CSMD3: variants seen among roughly 807,000 people sequenced by gnomAD.
The protein encoded by CSMD3 is CUB and Sushi multiple domains 3.
In CSMD3, 177 loss-of-function variants were observed where a neutral mutation model predicts 435.2. The ratio of observed to expected loss-of-function variants is 0.41; its 90% confidence interval spans 0.36 to 0.46. The LOEUF (loss-of-function observed/expected upper bound fraction) is 0.46. Ranked by LOEUF, CSMD3 falls within the 20% of genes least tolerant of loss-of-function variation. The pLI is 0.34. For missense variants in CSMD3, 4,265 were observed against 4,504.6 expected (o/e 0.95, Z 1.52); for synonymous variants, 1,656 against 1,520.5 (o/e 1.09, Z -2.07).
intron 3 of CSMD3, among the ~76,000 whole-genome samples, chr8:113,249,150 A>G (rs1449728528): frequency 6.6e-6 from 1 of 152,080 alleles, no homozygotes; most frequent in Admixed American, 6.6e-5. Flanking sequence ...GCCTGCCGCC[A>G]TGTAAGACAT....
At chr8:113,001,706 T>G (rs1030146250) in intron 6 of CSMD3, among the ~76,000 whole-genome samples, 1 of 152,120 alleles carries the variant, frequency 6.6e-6, no homozygotes, top group Admixed American at 6.6e-5. Flanking sequence ...TTAACATCAT[T>G]AATAGATTCA....
intron 32 of CSMD3, among the ~76,000 whole-genome samples, chr8:112,465,924 G>T (rs560608172): frequency 6.7e-6 from 1 of 149,766 alleles, no homozygotes; most frequent in Non-Finnish European, 1.5e-5. Context: ...GCAGTGAGCC[G>T]AGATGGCACC....
At chr8:113,396,787 A>G (rs2094485501) in intron 1 of CSMD3, among the ~76,000 whole-genome samples, 1 of 152,166 alleles carries the variant, frequency 6.6e-6, no homozygotes, top group South Asian at 2.1e-4. Context: ...CATAAGTTCC[A>G]TAATTCCTGT....
At chr8:113,043,192 G>A (rs867849655) in intron 5 of CSMD3, among the ~76,000 whole-genome samples, 1 of 152,114 alleles carries the variant, frequency 6.6e-6, no homozygotes, top group Non-Finnish European at 1.5e-5. Flanking sequence ...CAAACATGCA[G>A]GGTCTGCAAG....
chr8:112,626,885 C>T (rs1834518189), intron 22 of CSMD3, among the ~76,000 whole-genome samples: 2 of 152,124 alleles, frequency 1.3e-5, no homozygotes, highest in African/African-American at 2.4e-5. Flanking sequence ...CAAAAAATTG[C>T]TCCCAATCTA....
At chr8:112,494,528 TTTCTTTCTTTCTTTC>T (rs1821100877) in intron 30 of CSMD3, among the ~76,000 whole-genome samples, 1 of 140,590 alleles carries the variant, frequency 7.1e-6, no homozygotes, top group Non-Finnish European at 1.5e-5. Context: ...TCTTTCTTTC[TTTCTTTCTTTCTTTC>T]TTTCTTTCTT....
chr8:113,065,435 G>A (rs1221943993), intron 5 of CSMD3, among the ~76,000 whole-genome samples: 1 of 152,014 alleles, frequency 6.6e-6, no homozygotes, highest in Non-Finnish European at 1.5e-5. Context: ...CGCCCAGGAT[G>A]GAGTGCAGTG....
intron 22 of CSMD3, among the ~76,000 whole-genome samples, chr8:112,630,734 A>C (rs575315373): frequency 6.6e-6 from 1 of 152,256 alleles, no homozygotes; most frequent in South Asian, 2.1e-4. Flanking sequence ...TGATTGAATA[A>C]GAATGATTCC....
chr8:112,825,298 A>G (rs1350477336), intron 12 of CSMD3, among the ~76,000 whole-genome samples: 1 of 152,098 alleles, frequency 6.6e-6, no homozygotes, highest in African/African-American at 2.4e-5. Flanking sequence ...TCTGAAGCCT[A>G]CTTCTGTCAA....
chr8:112,827,160 CATAAATATAT>C lies in CSMD3; in HGVS notation c.1859+2516_1859+2525del, dbSNP rs1204139197. Among the ~76,000 whole-genome samples the C allele has an allele frequency of 4.5e-3, 175 of 38,702 alleles. 7 individuals carry two copies. Among genetic ancestry groups the C allele is most frequent in the East Asian group, 0.016 (12 of 738 alleles). 25.4% of individuals were successfully genotyped at this position (38,702 alleles called of 152,430 possible). A position where few individuals can be genotyped will look rare whatever the true frequency, so the allele number is the denominator to read the frequency against. On this transcript the variant is annotated intron_variant, in intron 12 of 70. Coordinates refer to ENST00000297405, the MANE Select transcript of CSMD3 (RefSeq NM_198123.2). ...TTTCTTCTGTATTTTACTAGGTTAC[CATAAATATAT>C]ATATATATATATATATATATATATA...
chr8:112,580,580 A>G (rs376863309), intron 23 of CSMD3, among the ~76,000 whole-genome samples: 1 of 151,400 alleles, frequency 6.6e-6, no homozygotes, highest in East Asian at 1.9e-4. Context: ...CAGGCAATTG[A>G]TCCTGAGCCA....
chr8:112,550,868 T>C lies in CSMD3; in HGVS notation c.4367A>G (p.Gln1456Arg). 1 of 1,606,792 alleles carries C rather than the reference T, an allele frequency of 6.2e-7. No homozygotes were observed. The highest frequency in any genetic ancestry group is 8.5e-7 in the Non-Finnish European group (1 of 1,173,744). Residue 1456 changes from glutamine to arginine, a missense_variant, in exon 27 of 71, where the codon CAG (glutamine) becomes CGG (arginine). Gln to Arg is a conservative substitution (Grantham distance 43). Transcript: ENST00000297405. Reference protein sequence around the residue: ...EVDPGNIVSLQFLAFDTEASH... With the variant: ...EVDPGNIVSLRFLAFDTEASH... ...TGCTTCCGTATCAAAAGCAAGAAAC[T>C]GCAAGCTGTGGGAGAACCATATTTC...
chr8:112,487,931 T>C (rs1478120326), intron 31 of CSMD3, among the ~76,000 whole-genome samples: 2 of 152,202 alleles, frequency 1.3e-5, no homozygotes, highest in African/African-American at 2.4e-5. Flanking sequence ...TTTTAAAAGA[T>C]ACTTTTTAAA....
At chr8:113,185,277 T>C (rs1052741912) in intron 3 of CSMD3, among the ~76,000 whole-genome samples, 3 of 151,928 alleles carry the variant, frequency 2.0e-5, no homozygotes, top group African/African-American at 7.3e-5. Flanking sequence ...GCAGTCCTGG[T>C]CCTAGGACCA....
chr8:113,314,792 T>A lies in CSMD3; in HGVS notation c.180A>T (p.Gly60=). Residue 60 remains glycine (G), a splice_region_variant and synonymous_variant, in exon 2 of 71, where the codon GGA becomes GGT. Coordinates refer to ENST00000297405, the MANE Select transcript of CSMD3 (RefSeq NM_198123.2). ...AAGTTCCACCACATGTATAAATAAATCCTGCAACAAAAGACAATAAACAGA... is the reference window on the plus strand; with the variant it reads ...AAGTTCCACCACATGTATAAATAAAACCTGCAACAAAAGACAATAAACAGA... ...VFLLTVSCVK[G]FIYTCGGTLK... 1 of 1,569,456 alleles carries A rather than the reference T, an allele frequency of 6.4e-7. No homozygotes were observed. The highest frequency in any genetic ancestry group is 8.8e-7 in the Non-Finnish European group (1 of 1,140,234).
At chr8:113,020,553 C>A (rs1038028110) in intron 5 of CSMD3, among the ~76,000 whole-genome samples, 1 of 152,104 alleles carries the variant, frequency 6.6e-6, no homozygotes, top group African/African-American at 2.4e-5. Context: ...GTCTCCAAAG[C>A]AAGGCTATTA....
rs143540520 is a variant in CSMD3, at chr8:113,206,082, T to C, written c.515-32166A>G. Among the ~76,000 whole-genome samples, 431 of 152,202 alleles carry C rather than the reference T, an allele frequency of 2.8e-3. 1 individual carries two copies. Among genetic ancestry groups the C allele is most frequent in the Non-Finnish European group, 3.6e-3 (246 of 68,000 alleles). On this transcript the variant is annotated intron_variant, in intron 3 of 70. Coordinates refer to ENST00000297405, the MANE Select transcript of CSMD3 (RefSeq NM_198123.2). Reference sequence around the variant, plus strand: ...GCACTACAAGGGTAGAGCTGGTAAGTTGTAATGGATGGAAACTATGTGCCC... The same window carrying C: ...GCACTACAAGGGTAGAGCTGGTAAGCTGTAATGGATGGAAACTATGTGCCC...
intron 13 of CSMD3, among the ~76,000 whole-genome samples, chr8:112,768,361 T>C (rs1290039115): frequency 6.6e-6 from 1 of 151,804 alleles, no homozygotes; most frequent in Non-Finnish European, 1.5e-5. Flanking sequence ...TGCTTTCACT[T>C]TTTATACCTG....
chr8:112,511,241 A>C (rs1823088197), intron 28 of CSMD3, among the ~76,000 whole-genome samples: 1 of 152,056 alleles, frequency 6.6e-6, no homozygotes, highest in Non-Finnish European at 1.5e-5. Flanking sequence ...CTTTATTGCT[A>C]AAAAAATGCT....
Sources: allele counts gnomAD v4.1 joint callset (sites outside exome capture counted in the v4.1 genomes callset), GRCh38; gene constraint gnomAD v4.1.1; transcripts MANE v1.5; gene names NCBI Gene and HGNC (gene_info 2026-07-23, HGNC 2026-07-21).